PCMTD1: variants seen among roughly 807,000 people sequenced by gnomAD.
The protein encoded by PCMTD1 is protein-L-isoaspartate O-methyltransferase domain-containing protein 1.
Under a neutral mutation model 37.6 loss-of-function variants are expected in PCMTD1, and 12 were observed. That is an observed-to-expected ratio of 0.32 (90% CI 0.20 to 0.52). The LOEUF (loss-of-function observed/expected upper bound fraction) is 0.52, where lower values mean the gene tolerates loss of function less well. Among genes scored for constraint, PCMTD1 ranks in the 20% least tolerant of loss-of-function variants. The pLI, the probability that PCMTD1 is intolerant of heterozygous loss-of-function variation, is 0.97. For missense variants in PCMTD1, 235 were observed against 421.3 expected, an observed-to-expected ratio of 0.56 and a Z score of 3.87; for synonymous variants, 117 against 135.8, an observed-to-expected ratio of 0.86 and a Z score of 0.96.
At position 51,848,911 on chromosome 8, in the gene PCMTD1, A is replaced by T. The variant is rs550803870; in HGVS notation, c.308-3148T>A. 6 of 150,640 alleles carry T rather than the reference A, an allele frequency of 4.0e-5. No individual in the cohort carries two copies. In the South Asian group the frequency reaches 8.4e-4, roughly 21 times the overall value. 9.3% of individuals were successfully genotyped at this position (150,640 alleles called of 1,614,324 possible). A position where few individuals can be genotyped will look rare whatever the true frequency, so the allele number is the denominator to read the frequency against. On this transcript the variant is annotated intron_variant, in intron 2 of 5. Coordinates refer to ENST00000522514, the MANE Select transcript of PCMTD1 (RefSeq NM_052937.4). Reference sequence around the variant, plus strand: ...ATGGTAACTAACATGTTCAAAGTAAATTAAAAAGAAAAATGCATTAATAAA... The same window carrying T: ...ATGGTAACTAACATGTTCAAAGTAATTTAAAAAGAAAAATGCATTAATAAA...
intron 3 of PCMTD1, among the ~76,000 whole-genome samples, chr8:51,840,188 A>G (rs937552381): frequency 2.6e-5 from 4 of 152,206 alleles, no homozygotes; most frequent in Non-Finnish European, 4.4e-5. Context: ...CATCAGAGAA[A>G]TTCATAGTAA....
At chr8:51,820,855 TCTAA>T in intron 5 of PCMTD1, 137 bp from the exon 6 acceptor site, 2 of 1,059,844 alleles carry the variant, frequency 1.9e-6, no homozygotes, top group Non-Finnish European at 2.6e-6. Flanking sequence ...CTACCTTTCA[TCTAA>T]CAAAGGTTTT....
chr8:51,859,327 G>A (rs2038438178), intron 2 of PCMTD1, among the ~76,000 whole-genome samples: 2 of 151,710 alleles, frequency 1.3e-5, no homozygotes, highest in Admixed American at 1.3e-4. Context: ...CTTTTTCAAA[G>A]AAACCGGTGA....
At chr8:51,881,854 A>G (rs2038797490) in intron 1 of PCMTD1, among the ~76,000 whole-genome samples, 1 of 152,152 alleles carries the variant, frequency 6.6e-6, no homozygotes, top group Non-Finnish European at 1.5e-5. Context: ...ATACTATTTC[A>G]GGGGCACCTC....
At chr8:51,839,096 GA>G (rs5891436) in intron 3 of PCMTD1, among the ~76,000 whole-genome samples, 103,801 of 149,910 alleles carry the variant, frequency 0.69, 42,048 homozygotes, top group Non-Finnish European at 0.9. Context: ...TTTATTCTTT[GA>G]AAAAAAAAAT....
intron 1 of PCMTD1, among the ~76,000 whole-genome samples, chr8:51,882,711 T>C (rs1348127955): frequency 6.6e-6 from 1 of 151,826 alleles, no homozygotes; most frequent in Non-Finnish European, 1.5e-5. Context: ...ACTTGACAAA[T>C]TATACACTCC....
chr8:51,841,049 C>T (rs1205434122), intron 3 of PCMTD1, among the ~76,000 whole-genome samples: 1 of 152,240 alleles, frequency 6.6e-6, no homozygotes, highest in East Asian at 1.9e-4. Context: ...CAGTAACTTG[C>T]TGGAAAGAAA....
intron 3 of PCMTD1, among the ~76,000 whole-genome samples, chr8:51,842,986 TTAAA>T (rs1472854831): frequency 6.6e-6 from 1 of 152,146 alleles, no homozygotes; most frequent in Non-Finnish European, 1.5e-5. Flanking sequence ...CCATACATAA[TTAAA>T]TAAAACTGCT....
upstream of PCMTD1, chr8:51,899,169 C>A: frequency 7.7e-7 from 1 of 1,303,764 alleles, no homozygotes. Flanking sequence ...TCAACAAGGC[C>A]GGGAGACGCC....
intron 1 of PCMTD1, among the ~76,000 whole-genome samples, chr8:51,888,544 T>C (rs2038894898): frequency 6.6e-6 from 1 of 152,140 alleles, no homozygotes; most frequent in Non-Finnish European, 1.5e-5. Context: ...GGGTTAACAA[T>C]GAGAAAGAGA....
intron 1 of PCMTD1, 22 bp downstream of exon 1, chr8:51,898,908 C>T (rs988568936): frequency 2.3e-6 from 3 of 1,321,060 alleles, no homozygotes; most frequent in Admixed American, 7.7e-5. Context: ...CGACCCCGAG[C>T]CCCCACTGGC....
chr8:51,887,645 C>T (rs900023976), intron 1 of PCMTD1, among the ~76,000 whole-genome samples: 3 of 150,940 alleles, frequency 2.0e-5, no homozygotes, highest in Admixed American at 2.0e-4. Context: ...ATTATCAAGC[C>T]ATGCAATCAT....
rs559674960 is a variant in PCMTD1 at position 51,876,440 on chromosome 8, T to C, written c.-95-15194A>G. 2.6e-5 allele frequency among the ~76,000 whole-genome samples: 4 copies of C among 152,294 alleles called. No individual in the cohort carries two copies. The South Asian group carries it at 8.3e-4, about 32-fold the overall frequency. ...CAGAAATACACACATATACATATTT[T>C]TCCTTGCTTATGAAGGCCTAGAATA... On this transcript the variant is annotated intron_variant, in intron 1 of 5. Transcript: ENST00000522514.
At chr8:51,867,438 G>A (rs1315103397) in intron 1 of PCMTD1, among the ~76,000 whole-genome samples, 1 of 150,852 alleles carries the variant, frequency 6.6e-6, no homozygotes, top group Non-Finnish European at 1.5e-5. Context: ...ATGTAAGCAA[G>A]CTAGGTGTCC....
chr8:51,825,956 C>T (rs1313958405), intron 5 of PCMTD1, among the ~76,000 whole-genome samples: 3 of 152,078 alleles, frequency 2.0e-5, no homozygotes, highest in South Asian at 2.1e-4. Context: ...GACAGTGTGG[C>T]GATTCCTCAA....
chr8:51,858,239 T>C (rs4873613), intron 2 of PCMTD1, among the ~76,000 whole-genome samples: 104,458 of 152,028 alleles, frequency 0.69, 42,369 homozygotes, highest in Non-Finnish European at 0.9. Flanking sequence ...AAATCACAGA[T>C]ACCCCGCTCT....
At chr8:51,842,458 G>C (rs1004883298) in intron 3 of PCMTD1, among the ~76,000 whole-genome samples, 1 of 151,874 alleles carries the variant, frequency 6.6e-6, no homozygotes, top group African/African-American at 2.4e-5. Flanking sequence ...GGGAATACAG[G>C]TATGTGGAAC....
chr8:51,849,218 C>G (rs2038268544), intron 2 of PCMTD1: 1 of 151,812 alleles, frequency 6.6e-6, no homozygotes, highest in Non-Finnish European at 1.5e-5. Flanking sequence ...GCGTGTATAA[C>G]TTTTTCAATT....
intron 1 of PCMTD1, among the ~76,000 whole-genome samples, chr8:51,885,520 A>G (rs1380201722): frequency 6.6e-6 from 1 of 152,210 alleles, no homozygotes; most frequent in Non-Finnish European, 1.5e-5. Flanking sequence ...TGTTAACTGA[A>G]GCACATGTTC....
Sources: gnomAD v4.1 joint callset for allele counts (sites outside exome capture counted in the v4.1 genomes callset) on GRCh38, gnomAD v4.1.1 for gene constraint, MANE v1.5 for transcripts, NCBI Gene and HGNC (gene_info 2026-07-23, HGNC 2026-07-21) for gene names.